The following SSUH2 variants were observed in gnomAD, a reference collection of about 807,000 sequenced individuals.
SSUH2 encodes protein SSUH2 homolog.
In SSUH2, 47 loss-of-function variants were observed where a neutral mutation model predicts 55.3. The ratio of observed to expected loss-of-function variants is 0.85; its 90% CI spans 0.67 to 1.08. The LOEUF (loss-of-function observed/expected upper bound fraction) is 1.08. Among genes scored for constraint, SSUH2 ranks in the 50% least tolerant of loss-of-function variants. The pLI is 0.00. For missense variants in SSUH2, 535 were observed against 490.7 expected (o/e 1.09, Z -0.85); for synonymous variants, 212 against 191.5 (o/e 1.11, Z -0.89).
intron 3 of SSUH2, chr3:8,634,151 G>A: frequency 1.5e-6 from 1 of 659,476 alleles, no homozygotes; most frequent in Non-Finnish European, 2.5e-6. Flanking sequence ...ACAGTTAAAA[G>A]GAGGCAGAGA....
intron 3 of SSUH2, chr3:8,634,681 G>A: frequency 1.0e-6 from 1 of 957,440 alleles, no homozygotes; most frequent in South Asian, 1.3e-5. Flanking sequence ...GGAGGAGAAG[G>A]GGGTTGCTTC....
At chr3:8,681,654 G>A (rs892718374) in intron 1 of SSUH2, among the ~76,000 whole-genome samples, 3 of 149,462 alleles carry the variant, frequency 2.0e-5, no homozygotes, top group East Asian at 2.1e-4. Flanking sequence ...CCCCCCGTGC[G>A]ATGGGGACTG....
At chr3:8,658,091 C>G (rs2640821) in intron 7 of SSUH2, among the ~76,000 whole-genome samples, 1 of 152,218 alleles carries the variant, frequency 6.6e-6, no homozygotes, top group Non-Finnish European at 1.5e-5. Context: ...CTGGGTAACC[C>G]TGGGCAGGTC....
intron 8 of SSUH2, 108 bp downstream of exon 8, chr3:8,627,590 C>A: frequency 1.1e-6 from 1 of 884,442 alleles, no homozygotes; most frequent in Non-Finnish European, 1.7e-6. Flanking sequence ...GCTCTGGGGA[C>A]ACAGCAGTGA....
intron 7 of SSUH2, among the ~76,000 whole-genome samples, chr3:8,653,721 T>C (rs1185712018): frequency 1.3e-5 from 2 of 152,254 alleles, no homozygotes; most frequent in Admixed American, 6.5e-5. Context: ...TGTATACATT[T>C]TACTGAATTA....
intron 1 of SSUH2, among the ~76,000 whole-genome samples, chr3:8,637,717 C>A (rs1279987665): frequency 2.0e-5 from 3 of 152,198 alleles, no homozygotes; most frequent in East Asian, 3.8e-4. Flanking sequence ...AAGTCAGTCA[C>A]AGGAGTTGAC....
At chr3:8,665,368 C>G (rs2125384519) in intron 5 of SSUH2, among the ~76,000 whole-genome samples, 1 of 152,214 alleles carries the variant, frequency 6.6e-6, no homozygotes, top group Middle Eastern at 3.4e-3. Context: ...TTAATTTTCG[C>G]AGATCAGCCA....
upstream of SSUH2, among the ~76,000 whole-genome samples, chr3:8,648,246 G>A (rs186022310): frequency 8.4e-4 from 128 of 152,302 alleles, no homozygotes; most frequent in Non-Finnish European, 1.2e-3. Flanking sequence ...GCTCTGGTGC[G>A]GCAGAACAGG....
intron 1 of SSUH2, among the ~76,000 whole-genome samples, chr3:8,641,845 C>A (rs978766116): frequency 1.3e-5 from 2 of 152,230 alleles, no homozygotes; most frequent in Non-Finnish European, 2.9e-5. Context: ...AATTTTCCAT[C>A]CCTAGTCGTG....
intron 7 of SSUH2, among the ~76,000 whole-genome samples, chr3:8,649,946 A>G (rs1302391216): frequency 6.6e-6 from 1 of 151,980 alleles, no homozygotes; most frequent in Non-Finnish European, 1.5e-5. Flanking sequence ...CCTCCCTACC[A>G]ATATGGCCTC....
chr3:8,619,551 T>A lies in SSUH2; in HGVS notation c.*317A>T, dbSNP rs184859525. The A allele has an allele frequency of 1.3e-3, 317 of 252,716 alleles. No individual in the cohort carries two copies. The highest frequency in any genetic ancestry group is 1.7e-3 in the Non-Finnish European group (223 of 133,994). The allele number at this position is 252,716 out of a possible 1,614,324, so 15.7% of individuals were successfully genotyped here. A position where few individuals can be genotyped will look rare whatever the true frequency, so the allele number is the denominator to read the frequency against. On this transcript the variant is annotated 3_prime_UTR_variant, in exon 12 of 12. Transcript: ENST00000544814. The stretch of plus-strand genomic sequence containing the variant: ...AGACCGACAAAGGGAAAAAGCAAAA[T>A]CAAATCACACGCATCATCGGGGCAT...
At chr3:8,672,803 G>A (rs887859602) in intron 3 of SSUH2, among the ~76,000 whole-genome samples, 3 of 152,116 alleles carry the variant, frequency 2.0e-5, no homozygotes, top group Non-Finnish European at 4.4e-5. Context: ...AATATGAGGA[G>A]GAATATCACC....
At chr3:8,626,403 C>T in intron 8 of SSUH2, 82 bp from the exon 9 acceptor site, 1 of 1,000,488 alleles carries the variant, frequency 1.0e-6, no homozygotes. Flanking sequence ...CACCCCCTTC[C>T]TCCTGGAGGT....
intron 5 of SSUH2, among the ~76,000 whole-genome samples, chr3:8,668,171 C>T (rs537446543): frequency 1.3e-5 from 2 of 152,226 alleles, no homozygotes; most frequent in South Asian, 4.1e-4. Flanking sequence ...CCTGGGTATT[C>T]CACAAACACA....
At chr3:8,681,286 C>T (rs984430157) in intron 1 of SSUH2, among the ~76,000 whole-genome samples, 7 of 149,880 alleles carry the variant, frequency 4.7e-5, no homozygotes, top group Non-Finnish European at 1.0e-4. Flanking sequence ...GCCAGCCCCT[C>T]TTCCCTCCCT....
At chr3:8,644,541 A>G (rs200352364) in intron 1 of SSUH2, among the ~76,000 whole-genome samples, 190 bp downstream of exon 1, 2 of 152,332 alleles carry the variant, frequency 1.3e-5, no homozygotes, top group East Asian at 1.9e-4. Context: ...GCTCTCGGCA[A>G]TCCAGATGCA....
intron 6 of SSUH2, chr3:8,659,807 G>A (rs1182326446): frequency 2.2e-6 from 1 of 456,160 alleles, no homozygotes; most frequent in Non-Finnish European, 4.4e-6. Context: ...GATACCTGCA[G>A]TCAGAAGAGA....
intron 1 of SSUH2, among the ~76,000 whole-genome samples, chr3:8,637,292 A>G (rs2125222781): frequency 6.6e-6 from 1 of 152,346 alleles, no homozygotes; most frequent in East Asian, 1.9e-4. Flanking sequence ...AAAACTATGA[A>G]AAAATCATTC....
rs541055637 is a variant in SSUH2, at chr3:8,657,967, C to A, written c.-307+958G>T. ...AGGACCGTAGGCACCCTTCTCCCCA[C>A]GACAACTCCAAGGCTGGCCCTCCCT... On this transcript the variant is annotated intron_variant, in intron 7 of 18. Coordinates refer to the SSUH2 transcript ENST00000317371. Among the ~76,000 whole-genome samples the A allele has an allele frequency of 3.3e-5, 5 of 152,240 alleles. No homozygotes were observed. The South Asian group carries it at 1.0e-3, about 32-fold the overall frequency.
Sources: gnomAD v4.1 joint callset for allele counts (sites outside exome capture counted in the v4.1 genomes callset) on GRCh38, gnomAD v4.1.1 for gene constraint, MANE v1.5 for transcripts, NCBI Gene and HGNC (gene_info 2026-07-23, HGNC 2026-07-21) for gene names.